RELL1: variants seen among roughly 807,000 people sequenced by gnomAD.
RELL1 encodes the protein RELT-like protein 1.
Under a neutral mutation model 23.0 loss-of-function variants are expected in RELL1, and 10 were observed. That is an observed-to-expected ratio of 0.43 (90% confidence interval 0.27 to 0.74). RELL1 has a LOEUF of 0.74. Among genes scored for constraint, RELL1 ranks in the 30% least tolerant of loss-of-function variants. The pLI is 0.19. For missense variants in RELL1, 315 were observed against 364.4 expected (o/e 0.86, Z 1.10); for synonymous variants, 146 against 146.8 (o/e 0.99, Z 0.04).
chr4:37,668,881 T>G (rs1721650354), intron 1 of RELL1, among the ~76,000 whole-genome samples: 2 of 142,320 alleles, frequency 1.4e-5, no homozygotes, highest in South Asian at 2.3e-4. Context: ...TCGTCCGGGA[T>G]GTGAGGAGCG....
chr4:37,599,201 A>G (rs925004385), intron 6 of RELL1, among the ~76,000 whole-genome samples: 1 of 152,246 alleles, frequency 6.6e-6, no homozygotes, highest in Non-Finnish European at 1.5e-5. Context: ...CCTTGTAACC[A>G]TAATAGGTCT....
At chr4:37,631,691 C>G (rs1427330186) in intron 5 of RELL1, among the ~76,000 whole-genome samples, 168 bp from the exon 6 acceptor site, 1 of 152,144 alleles carries the variant, frequency 6.6e-6, no homozygotes, top group Non-Finnish European at 1.5e-5. Flanking sequence ...AGTACATTCC[C>G]CTGGCCCCTG....
intron 1 of RELL1, among the ~76,000 whole-genome samples, chr4:37,656,516 CAGAG>C (rs1335447136): frequency 6.6e-6 from 1 of 152,134 alleles, no homozygotes. Context: ...TTTTTAAAAA[CAGAG>C]AGAAGGAAAG....
At chr4:37,685,351 A>T (rs1319951937) in intron 1 of RELL1, among the ~76,000 whole-genome samples, 1 of 152,026 alleles carries the variant, frequency 6.6e-6, no homozygotes, top group Non-Finnish European at 1.5e-5. Flanking sequence ...TTTTTTTTTA[A>T]CTGCAGCTGT....
In RELL1 at chr4:37,686,356, G is replaced by T; in HGVS notation, c.-69C>A. The T allele has an allele frequency of 6.4e-6, 8 of 1,256,932 alleles. No homozygotes were observed. Among genetic ancestry groups the T allele is most frequent in the Non-Finnish European group, 7.3e-6 (7 of 953,424 alleles). 77.9% of individuals were successfully genotyped at this position (1,256,932 alleles called of 1,614,324 possible). On this transcript the variant is annotated 5_prime_UTR_variant, in exon 1 of 7. Transcript: ENST00000454158. The stretch of plus-strand genomic sequence containing the variant: ...CGCTCGGGAAGGCAGAGCCGCTCCG[G>T]AGCCGGCGGGCTGATCGAGTGGCTG...
chr4:37,627,198 T>C (rs1719982725), intron 6 of RELL1, among the ~76,000 whole-genome samples: 1 of 152,230 alleles, frequency 6.6e-6, no homozygotes, highest in Admixed American at 6.5e-5. Context: ...TTTTAAAGTA[T>C]GGTTATGTAA....
intron 6 of RELL1, among the ~76,000 whole-genome samples, chr4:37,602,177 A>G (rs1719032294): frequency 7.0e-6 from 1 of 142,658 alleles, no homozygotes; most frequent in South Asian, 2.3e-4. Flanking sequence ...TGATTGTGCC[A>G]CTGCATTCAA....
At chr4:37,686,077 G>A (rs1722398307) in intron 1 of RELL1, 123 bp downstream of exon 1, 4 of 841,780 alleles carry the variant, frequency 4.8e-6, no homozygotes, top group African/African-American at 1.8e-5. Context: ...GTTCAGTGCC[G>A]GGATCCCGCG....
At chr4:37,646,959 A>AGG (rs995868870) in intron 3 of RELL1, among the ~76,000 whole-genome samples, 1 of 152,090 alleles carries the variant, frequency 6.6e-6, no homozygotes, top group Admixed American at 6.6e-5. Context: ...TCCTGGCCTC[A>AGG]AGTAATCCTC....
At chr4:37,598,005 C>T (rs1038887865) in intron 6 of RELL1, among the ~76,000 whole-genome samples, 29 of 149,430 alleles carry the variant, frequency 1.9e-4, no homozygotes, top group Admixed American at 1.7e-3. Context: ...GAGCTGAGAT[C>T]GTGCTGGTGC....
intron 6 of RELL1, among the ~76,000 whole-genome samples, chr4:37,598,444 G>C (rs1718935547): frequency 6.6e-6 from 1 of 151,752 alleles, no homozygotes; most frequent in Admixed American, 6.6e-5. Flanking sequence ...ATTTTTATAG[G>C]TATGACTATA....
rs1722416669 is a variant in RELL1, at chr4:37,686,364, G to A, written c.-77C>T. The A allele has an allele frequency of 3.1e-5, 37 of 1,198,674 alleles. No individual in the cohort carries two copies. In the South Asian group the frequency reaches 5.2e-4, roughly 17 times the overall value. The allele number at this position is 1,198,674 out of a possible 1,614,324, so 74.3% of individuals were successfully genotyped here. ...AAGGCAGAGCCGCTCCGGAGCCGGC[G>A]GGCTGATCGAGTGGCTGGGCTGGGC... On this transcript the variant is annotated 5_prime_UTR_variant, in exon 1 of 7. Coordinates refer to ENST00000454158, the MANE Select transcript of RELL1 (RefSeq NM_001085400.2).
chr4:37,644,432 TTTTATTTTTA>T (rs1253090437), intron 3 of RELL1, among the ~76,000 whole-genome samples: 4 of 133,356 alleles, frequency 3.0e-5, no homozygotes, highest in East Asian at 2.1e-4. Flanking sequence ...GTACTTTTAT[TTTTATTTTTA>T]TTTATTTATT....
intron 1 of RELL1, among the ~76,000 whole-genome samples, chr4:37,672,697 G>A (rs1417846678): frequency 6.8e-6 from 1 of 146,594 alleles, no homozygotes; most frequent in African/African-American, 2.5e-5. Context: ...GTAGGCATTG[G>A]ATGTATACTG....
intron 1 of RELL1, among the ~76,000 whole-genome samples, chr4:37,668,345 G>C (rs907480177): frequency 6.6e-5 from 10 of 152,162 alleles, no homozygotes; most frequent in Non-Finnish European, 1.3e-4. Flanking sequence ...CCTGCCGAGT[G>C]CCTGCGATTG....
At chr4:37,641,324 C>G (rs937009621) in intron 3 of RELL1, among the ~76,000 whole-genome samples, 3 of 152,126 alleles carry the variant, frequency 2.0e-5, no homozygotes, top group African/African-American at 7.2e-5. Flanking sequence ...TCCAGGGAGT[C>G]AACTTCAGTA....
At chr4:37,604,828 C>CACACACAGACACACACACACACAG (rs1719122945) in intron 6 of RELL1, among the ~76,000 whole-genome samples, 2 of 73,266 alleles carry the variant, frequency 2.7e-5, no homozygotes, top group African/African-American at 1.1e-4. Context: ...CACAGACACA[C>CACACACAGACACACACACACACAG]ACATACACAC....
chr4:37,683,817 C>T (rs1014007237), intron 1 of RELL1, among the ~76,000 whole-genome samples: 2 of 151,874 alleles, frequency 1.3e-5, no homozygotes, highest in Non-Finnish European at 2.9e-5. Flanking sequence ...CGCGGTGGCT[C>T]ACGCCTGTAA....
intron 1 of RELL1, among the ~76,000 whole-genome samples, chr4:37,685,594 T>C (rs542899371): frequency 9.7e-4 from 147 of 152,168 alleles, no homozygotes; most frequent in African/African-American, 3.4e-3. Flanking sequence ...AAGAAAAAAA[T>C]GTAAGTTTAC....
Sources: gnomAD v4.1 joint callset for allele counts (sites outside exome capture counted in the v4.1 genomes callset) on GRCh38, gnomAD v4.1.1 for gene constraint, MANE v1.5 for transcripts, NCBI Gene and HGNC (gene_info 2026-07-23, HGNC 2026-07-21) for gene names.